The following DMTN variants were observed in gnomAD, a reference collection of about 807,000 sequenced individuals.
DMTN encodes the protein dematin.
Under a neutral mutation model 59.4 loss-of-function variants are expected in DMTN, and 27 were observed. That is an observed-to-expected ratio of 0.45 (90% CI 0.33 to 0.63). The LOEUF is 0.63. Ranked by LOEUF, DMTN falls within the 20% of genes least tolerant of loss-of-function variation. The probability of loss-of-function intolerance (pLI) is 0.02; values close to 1 mark genes in which losing one functional copy is unlikely to be tolerated. For synonymous variants in DMTN, 221 were observed against 203.7 expected (o/e 1.08, Z -0.72); for missense variants, 451 against 528.9 (o/e 0.85, Z 1.45).
intron 9 of DMTN, among the ~76,000 whole-genome samples, chr8:22,073,112 C>T (rs1483551855): frequency 6.6e-6 from 1 of 152,198 alleles, no homozygotes; most frequent in African/African-American, 2.4e-5. Flanking sequence ...TGGGCCTAGG[C>T]TCTGAGCAGG....
In DMTN at chr8:22,066,801, C is replaced by G. The variant is rs976239043; in HGVS notation, c.-75C>G. The G allele has an allele frequency of 7.1e-7, 1 of 1,406,024 alleles. No homozygotes were observed. The highest frequency in any genetic ancestry group is 1.5e-5 in the African/African-American group (1 of 66,572). 87.1% of individuals were successfully genotyped at this position (1,406,024 alleles called of 1,614,324 possible). A position where few individuals can be genotyped will look rare whatever the true frequency, so the allele number is the denominator to read the frequency against. Reference sequence around the variant, plus strand: ...AAGCGCGCAGCGCCCAGCAGCCGCGCCGAGCCTGACACGCTGTCCTCTCCC... The same window carrying G: ...AAGCGCGCAGCGCCCAGCAGCCGCGGCGAGCCTGACACGCTGTCCTCTCCC... On this transcript the variant is annotated 5_prime_UTR_variant, in exon 2 of 16. Coordinates refer to ENST00000358242, the MANE Select transcript of DMTN (RefSeq NM_001387751.1).
At chr8:22,070,930 C>G (rs1473091977) in intron 8 of DMTN, among the ~76,000 whole-genome samples, 1 of 152,178 alleles carries the variant, frequency 6.6e-6, no homozygotes, top group Non-Finnish European at 1.5e-5. Context: ...CTTTGTCTTT[C>G]TGTGTCTTGT....
intron 10 of DMTN, among the ~76,000 whole-genome samples, chr8:22,076,618 C>G (rs1237757569): frequency 6.8e-6 from 1 of 147,824 alleles, no homozygotes; most frequent in Non-Finnish European, 1.5e-5. Context: ...ATATATGTCA[C>G]TATATATATA....
Position 22,072,225 on chromosome 8 carries a change from T to C in DMTN, c.605-101T>C, listed in dbSNP as rs1442372806. The C allele has an allele frequency of 2.9e-6, 4 of 1,391,938 alleles. No individual in the cohort carries two copies. The African/African-American group carries it at 5.9e-5, about 20-fold the overall frequency. The allele number at this position is 1,391,938 out of a possible 1,614,324, so 86.2% of individuals were successfully genotyped here. A position where few individuals can be genotyped will look rare whatever the true frequency, so the allele number is the denominator to read the frequency against. ...TTAAAAAAATTTTGTAGTGGCCTTA[T>C]CAAGGTCCAGCCCAGAGCAGTGCAC... On this transcript the variant is annotated intron_variant, in intron 8 of 15. Coordinates refer to ENST00000358242, the MANE Select transcript of DMTN (RefSeq NM_001387751.1).
upstream of DMTN, among the ~76,000 whole-genome samples, chr8:22,054,258 C>A (rs898185693): frequency 3.2e-4 from 48 of 152,152 alleles, no homozygotes; most frequent in African/African-American, 1.1e-3. Flanking sequence ...CTCTTCCTGC[C>A]CAAGGTGGCC....
chr8:22,068,921 G>C, intron 4 of DMTN, 95 bp from the exon 5 acceptor site: 2 of 1,416,332 alleles, frequency 1.4e-6, no homozygotes, highest in Non-Finnish European at 2.0e-6. Context: ...GAAAGTGTGC[G>C]GCTTTGGGTG....
At position 22,058,404 on chromosome 8, in the gene DMTN, A is replaced by G. The variant is rs147885396; in HGVS notation, c.-172+1268A>G. 2.3e-4 allele frequency among the ~76,000 whole-genome samples: 35 copies of G among 152,214 alleles called. No individual in the cohort carries two copies. The highest frequency in any genetic ancestry group is 7.2e-4 in the Admixed American group (11 of 15,308). ...CTGCCAGTCCCACTTGTACAACAGG[A>G]CCAGCTATAAATGGAGGGGAAGCAG... On this transcript the variant is annotated intron_variant, in intron 1 of 15. Coordinates refer to ENST00000358242, the MANE Select transcript of DMTN (RefSeq NM_001387751.1). This position sits in a 1 kb window ranked among gnomAD's most constrained non-coding sequence, Gnocchi z 4.3.
chr8:22,049,223 C>T (rs1480837318), upstream of DMTN: 1 of 91,466 alleles, frequency 1.1e-5, no homozygotes, highest in Non-Finnish European at 2.3e-5. Context: ...GCTTTTTTTC[C>T]GGTGAGGAGG....
In DMTN at chr8:22,067,190, C is replaced by T. The variant is rs1474825869; in HGVS notation, c.93+31C>T. 5 of 1,604,136 alleles carry T rather than the reference C, an allele frequency of 3.1e-6. No individual in the cohort carries two copies. The African/African-American group carries it at 4.0e-5, about 13-fold the overall frequency. ...TACCCCTCTCGGCCACCAGCAACCC[C>T]TGGCTGGGAGGGGGGAGGGTGGGGG... On this transcript the variant is annotated intron_variant, in intron 3 of 15. Coordinates refer to ENST00000358242, the MANE Select transcript of DMTN (RefSeq NM_001387751.1).
intron 5 of DMTN, 59 bp from the exon 6 acceptor site, chr8:22,069,360 G>T (rs1405962660): frequency 2.8e-6 from 4 of 1,416,064 alleles, no homozygotes; most frequent in Non-Finnish European, 2.9e-6. Flanking sequence ...AGCTGATGGG[G>T]TGCATGTGTG....
At position 22,072,390 on chromosome 8, in the gene DMTN, T is replaced by C. The variant is rs1010776482; in HGVS notation, c.669T>C (p.Asp223=). 9 of 1,600,296 alleles carry C rather than the reference T, an allele frequency of 5.6e-6. No individual in the cohort carries two copies. Among genetic ancestry groups the C allele is most frequent in the Non-Finnish European group, 7.7e-6 (9 of 1,172,836 alleles). Residue 223 remains aspartate (D), a synonymous_variant, in exon 9 of 16, where the codon GAT becomes GAC. Transcript: ENST00000358242. The part of the protein sequence containing the change: ...RGAEEEEEEE[D]DDSGEEMKAL... ...CAGAGGAAGAGGAGGAGGAGGAAGATGACGACTCTGGAGAGGAGATGAAGG... is the reference window on the plus strand; with the variant it reads ...CAGAGGAAGAGGAGGAGGAGGAAGACGACGACTCTGGAGAGGAGATGAAGG...
chr8:22,053,140 G>T (rs1801528405), upstream of DMTN, among the ~76,000 whole-genome samples: 1 of 152,206 alleles, frequency 6.6e-6, no homozygotes, highest in African/African-American at 2.4e-5. Flanking sequence ...CCAGGGAAGG[G>T]GAATAGTCCG....
intron 1 of DMTN, among the ~76,000 whole-genome samples, chr8:22,062,132 C>T (rs567752284): frequency 6.6e-6 from 1 of 152,022 alleles, no homozygotes; most frequent in Non-Finnish European, 1.5e-5. Context: ...CCTCTCCTTT[C>T]CAGGGAGTGC....
At chr8:22,077,874 T>A (rs1273275350) in intron 10 of DMTN, among the ~76,000 whole-genome samples, 1 of 152,142 alleles carries the variant, frequency 6.6e-6, no homozygotes, top group South Asian at 2.1e-4. Context: ...GAGGGGAAAA[T>A]CTTCGTGCAG....
upstream of DMTN, among the ~76,000 whole-genome samples, chr8:22,054,103 T>TACACACACAC (rs71916677): frequency 0.061 from 9,039 of 148,364 alleles, 366 homozygotes; most frequent in Middle Eastern, 0.12. Context: ...CCACCACCAA[T>TACACACACAC]ACACACACAC....
At chr8:22,057,674 G>A (rs910193321) in intron 1 of DMTN, among the ~76,000 whole-genome samples, 21 of 152,142 alleles carry the variant, frequency 1.4e-4, no homozygotes, top group African/African-American at 5.1e-4. Flanking sequence ...GTGGCAGGGC[G>A]CAGCTGCAAG....
At chr8:22,076,656 T>C (rs1820060709) in intron 10 of DMTN, among the ~76,000 whole-genome samples, 1 of 151,836 alleles carries the variant, frequency 6.6e-6, no homozygotes, top group African/African-American at 2.4e-5. Context: ...GTGACATATA[T>C]ACACATATAT....
chr8:22,081,464 TG>T lies in DMTN; in HGVS notation c.*3del. The T allele has an allele frequency of 6.2e-7, 1 of 1,613,414 alleles. No individual in the cohort carries two copies. The highest frequency in any genetic ancestry group is 8.5e-7 in the Non-Finnish European group (1 of 1,179,358). On this transcript the variant is annotated 3_prime_UTR_variant, in exon 16 of 16. Coordinates refer to ENST00000358242, the MANE Select transcript of DMTN (RefSeq NM_001387751.1). ...CAAGAAGAAGGCCTCTCTCTTCTGA[TG>T]GCCCCCACCTGCTCCGGGACGGCCC...
In DMTN at chr8:22,066,825, C is replaced by T; in HGVS notation, c.-51C>T. 3 of 1,423,868 alleles carry T rather than the reference C, an allele frequency of 2.1e-6. No homozygotes were observed. Among genetic ancestry groups the T allele is most frequent in the East Asian group, 3.1e-5 (1 of 32,296 alleles). The allele number at this position is 1,423,868 out of a possible 1,614,324, so 88.2% of individuals were successfully genotyped here. ...GCCGAGCCTGACACGCTGTCCTCTC[C>T]CCTCGCGCACAGGGCTCTGCGAGTG... On this transcript the variant is annotated 5_prime_UTR_variant, in exon 2 of 16. Transcript: ENST00000358242.
Sources: gnomAD v4.1 joint callset for allele counts (sites outside exome capture counted in the v4.1 genomes callset) on GRCh38, gnomAD v4.1.1 for gene constraint, Gnocchi (gnomAD v3.1) non-coding constraint, MANE v1.5 for transcripts, NCBI Gene and HGNC (gene_info 2026-07-23, HGNC 2026-07-21) for gene names.